The following GRIN1 variants were observed in gnomAD, a reference collection of about 807,000 sequenced individuals.
The protein encoded by GRIN1 is glutamate receptor ionotropic, NMDA 1.
GRIN1 carries 38 observed loss-of-function variants against 103.0 expected under a neutral mutation model. The ratio of observed to expected loss-of-function variants is 0.37; its 90% CI spans 0.28 to 0.48. The LOEUF is 0.48. GRIN1 is among the 20% of genes least tolerant of loss of function. The probability of loss-of-function intolerance (pLI) is 0.98; values close to 1 mark genes in which losing one functional copy is unlikely to be tolerated. For missense variants in GRIN1, 577 were observed against 1,288.9 expected (o/e 0.45, Z 8.46); for synonymous variants, 544 against 532.7 (o/e 1.02, Z -0.29).
chr9:137,139,839 T>TC lies in GRIN1; in HGVS notation c.258+98dup. ...TTCCATCCTTTCCGTGCCCCCTTCC[T>TC]CCCTGTAAGACACCACCCCAGAGTC... On this transcript the variant is annotated intron_variant, in intron 1 of 19. Transcript: ENST00000371561. This position sits in a 1 kb window ranked among gnomAD's most constrained non-coding sequence, Gnocchi z 7.7. The TC allele has an allele frequency of 9.9e-7, 1 of 1,005,698 alleles. No homozygotes were observed. Among genetic ancestry groups the TC allele is most frequent in the Non-Finnish European group, 1.6e-6 (1 of 643,392 alleles). The allele number at this position is 1,005,698 out of a possible 1,614,324, so 62.3% of individuals were successfully genotyped here.
intron 4 of GRIN1, among the ~76,000 whole-genome samples, chr9:137,151,229 AAAG>A: frequency 6.9e-6 from 1 of 145,002 alleles, no homozygotes; most frequent in Non-Finnish European, 1.5e-5. Context: ...GCGCCTGGTG[AAAG>A]CCCTGCCCAG....
At chr9:137,164,027 T>C (rs757545919) in intron 18 of GRIN1, 123 bp downstream of exon 18, 1 of 1,198,142 alleles carries the variant, frequency 8.3e-7, no homozygotes, top group South Asian at 1.2e-5. Context: ...CTAGGAGCCA[T>C]GGCCAGGGGC....
At position 137,168,235 on chromosome 9, in the gene GRIN1, C is replaced by A. The variant is rs1311022364; in HGVS notation, c.*708C>A. 3 of 298,148 alleles carry A rather than the reference C, an allele frequency of 1.0e-5. No homozygotes were observed. The highest frequency in any genetic ancestry group is 1.9e-4 in the East Asian group (2 of 10,528). The allele number at this position is 298,148 out of a possible 1,614,324, so 18.5% of individuals were successfully genotyped here. ...CATGGCCCCAGCTGGCTGGGTCGCC[C>A]CTCCTCGGGCGCCTGCGCTCCTCTG... On this transcript the variant is annotated 3_prime_UTR_variant, in exon 20 of 20. Coordinates refer to ENST00000371561, the MANE Select transcript of GRIN1 (RefSeq NM_007327.4).
chr9:137,163,692 C>CG, intron 17 of GRIN1, 24 bp downstream of exon 17: 1 of 1,612,886 alleles, frequency 6.2e-7, no homozygotes, highest in Non-Finnish European at 8.5e-7. Context: ...CATCCATTCT[C>CG]GGGTGGGTTC....
At chr9:137,165,349 CGT>C (rs1833811136) in intron 19 of GRIN1, 53 bp downstream of exon 19, 1 of 1,099,396 alleles carries the variant, frequency 9.1e-7, no homozygotes, top group Non-Finnish European at 1.4e-6. Context: ...CCCTGCCCTG[CGT>C]GTGTCTCCCG....
chr9:137,141,053 C>A (rs1472375150), intron 1 of GRIN1, among the ~76,000 whole-genome samples: 1 of 152,182 alleles, frequency 6.6e-6, no homozygotes, highest in East Asian at 1.9e-4. Context: ...AGGGGCCATT[C>A]CTGGGGAATT....
intron 6 of GRIN1, among the ~76,000 whole-genome samples, chr9:137,157,543 C>T (rs955885575): frequency 1.2e-4 from 18 of 152,196 alleles, no homozygotes; most frequent in African/African-American, 3.9e-4. Context: ...GCTCTTGATG[C>T]AGATGGGGAC....
intron 4 of GRIN1, among the ~76,000 whole-genome samples, chr9:137,155,585 A>C (rs1833169651): frequency 7.0e-6 from 1 of 142,984 alleles, no homozygotes; most frequent in Admixed American, 6.9e-5. Flanking sequence ...CCTGCTGCCC[A>C]TGTCTGGAGA....
rs771019600 is a variant in GRIN1, at chr9:137,146,674, C to T, written c.570+772C>T. Among the ~76,000 whole-genome samples, 4 of 152,280 alleles carry T rather than the reference C, an allele frequency of 2.6e-5. No homozygotes were observed. Among genetic ancestry groups the T allele is most frequent in the South Asian group, 2.1e-4 (1 of 4,818 alleles). ...TGCAGTCTGGGGCAGAGCTGGTTCT[C>T]GGCTACAGACCCCCGGAGCCCTGGG... On this transcript the variant is annotated intron_variant, in intron 3 of 19. Coordinates refer to ENST00000371561, the MANE Select transcript of GRIN1 (RefSeq NM_007327.4). This position sits in a 1 kb window ranked among gnomAD's most constrained non-coding sequence, Gnocchi z 6.7.
At chr9:137,156,601 C>T in intron 4 of GRIN1, 68 bp from the exon 5 acceptor site, 1 of 1,565,984 alleles carries the variant, frequency 6.4e-7, no homozygotes, top group South Asian at 1.2e-5. Context: ...AGGAGGAGGA[C>T]CTGGGCCTGC....
At chr9:137,140,091 C>T (rs1479557395) in intron 1 of GRIN1, among the ~76,000 whole-genome samples, 1 of 152,196 alleles carries the variant, frequency 6.6e-6, no homozygotes, top group East Asian at 1.9e-4. Context: ...GCTACATGCC[C>T]GCCCTGCAGA....
intron 10 of GRIN1, 82 bp from the exon 11 acceptor site, chr9:137,161,842 T>C: frequency 2.1e-6 from 3 of 1,413,672 alleles, no homozygotes; most frequent in Non-Finnish European, 2.9e-6. Flanking sequence ...CGGAGTGCTC[T>C]AGGGCGGCTT....
intron 8 of GRIN1, among the ~76,000 whole-genome samples, chr9:137,160,456 G>A (rs796363537): frequency 6.6e-6 from 1 of 151,474 alleles, no homozygotes; most frequent in Admixed American, 6.5e-5. Context: ...TTGAGACAGA[G>A]TCTCGCTCTG....
intron 2 of GRIN1, among the ~76,000 whole-genome samples, chr9:137,142,877 C>A (rs944399240): frequency 6.6e-6 from 1 of 152,232 alleles, no homozygotes; most frequent in African/African-American, 2.4e-5. Context: ...TCCTGCAGAC[C>A]CTCCTGGCCC....
intron 4 of GRIN1, among the ~76,000 whole-genome samples, chr9:137,151,514 T>TCA: frequency 7.5e-6 from 1 of 132,740 alleles, no homozygotes; most frequent in Non-Finnish European, 1.6e-5. Flanking sequence ...CCAGAGAAAT[T>TCA]CCCACTTAGA....
At chr9:137,155,987 G>C (rs1428305460) in intron 4 of GRIN1, among the ~76,000 whole-genome samples, 1 of 152,190 alleles carries the variant, frequency 6.6e-6, no homozygotes, top group East Asian at 1.9e-4. Context: ...CCAACCTGGA[G>C]AGCCACTCAA....
rs538189644 is a variant in GRIN1, at chr9:137,141,706, G to A, written c.259-307G>A. 2.0e-5 allele frequency among the ~76,000 whole-genome samples: 3 copies of A among 152,212 alleles called. No homozygotes were observed. The South Asian group carries it at 6.2e-4, about 32-fold the overall frequency. ...CAGCCATCCTCCCCGGTCCACCTTG[G>A]GTGCGTCCCGTGCTCCAGGCCCCCA... On this transcript the variant is annotated intron_variant, in intron 1 of 19. Transcript: ENST00000371561.
chr9:137,144,099 A>G (rs1300069834), intron 2 of GRIN1, among the ~76,000 whole-genome samples: 1 of 152,188 alleles, frequency 6.6e-6, no homozygotes, highest in Admixed American at 6.5e-5. Flanking sequence ...TCGAGGCGCT[A>G]TGTGTCATCA....
At position 137,145,445 on chromosome 9, in the gene GRIN1, C is replaced by T. The variant is rs1193162275; in HGVS notation, c.394-281C>T. 4.2e-3 allele frequency among the ~76,000 whole-genome samples: 423 copies of T among 99,716 alleles called. 2 individuals are homozygous for T. Among genetic ancestry groups the T allele is most frequent in the Admixed American group, 9.9e-3 (100 of 10,120 alleles). The allele number at this position is 99,716 out of a possible 152,430, so 65.4% of individuals were successfully genotyped here. ...GGTGGCAGGGATGGGATGGGAGACA[C>T]GAGGGGGTCCCAGAGTCTAGAAAGT... is the stretch of plus-strand genomic sequence containing the variant. On this transcript the variant is annotated intron_variant, in intron 2 of 19. Transcript: ENST00000371561.
Sources: gnomAD v4.1 joint callset for allele counts (sites outside exome capture counted in the v4.1 genomes callset) on GRCh38, gnomAD v4.1.1 for gene constraint, Gnocchi (gnomAD v3.1) non-coding constraint, MANE v1.5 for transcripts, NCBI Gene and HGNC (gene_info 2026-07-23, HGNC 2026-07-21) for gene names.